POC5: variants seen among roughly 807,000 people sequenced by gnomAD.
The protein encoded by POC5 is centrosomal protein POC5.
POC5 carries 48 observed loss-of-function variants against 62.9 expected under a neutral mutation model. That is an observed-to-expected ratio of 0.76 (90% confidence interval 0.61 to 0.97). The LOEUF (loss-of-function observed/expected upper bound fraction) is 0.97, where lower values mean the gene tolerates loss of function less well. POC5 is among the 50% of genes least tolerant of loss of function. The pLI is 0.00. For missense variants in POC5, 696 were observed against 679.5 expected, an observed-to-expected ratio of 1.02 and a Z score of -0.27; for synonymous variants, 236 against 228.2, an observed-to-expected ratio of 1.03 and a Z score of -0.31.
At chr5:75,697,902 G>T (rs1264036493) in intron 5 of POC5, among the ~76,000 whole-genome samples, 2 of 144,834 alleles carry the variant, frequency 1.4e-5, no homozygotes, top group African/African-American at 5.1e-5. Flanking sequence ...AACAAAAAAA[G>T]GCAGGGGTTG....
At chr5:75,682,309 G>A (rs1054821762) in intron 10 of POC5, among the ~76,000 whole-genome samples, 2 of 152,176 alleles carry the variant, frequency 1.3e-5, no homozygotes, top group African/African-American at 4.8e-5. Flanking sequence ...TACCCATGAA[G>A]TTACATTTTA....
chr5:75,692,703 AAAG>A (rs774722944), intron 6 of POC5, among the ~76,000 whole-genome samples: 12 of 152,178 alleles, frequency 7.9e-5, no homozygotes, highest in Admixed American at 2.6e-4. Flanking sequence ...AAAGGGAACA[AAAG>A]AAGAAGGAAG....
intron 1 of POC5, among the ~76,000 whole-genome samples, chr5:75,716,733 C>T (rs1195419939): frequency 6.6e-6 from 1 of 152,184 alleles, no homozygotes; most frequent in Non-Finnish European, 1.5e-5. Flanking sequence ...TTGCCAGAAA[C>T]ATAAAATAAC....
At chr5:75,699,326 A>G (rs994978162) in intron 5 of POC5, among the ~76,000 whole-genome samples, 7 of 152,102 alleles carry the variant, frequency 4.6e-5, no homozygotes, top group African/African-American at 1.7e-4. Context: ...TCAACAAAAT[A>G]CTGGCAAACC....
chr5:75,707,048 T>TA (rs1777150072), intron 3 of POC5, among the ~76,000 whole-genome samples: 1 of 152,240 alleles, frequency 6.6e-6, no homozygotes. Flanking sequence ...TCCTTGGAGT[T>TA]ACGCCTATAG....
intron 5 of POC5, among the ~76,000 whole-genome samples, chr5:75,700,513 C>T (rs1776823987): frequency 2.0e-5 from 3 of 151,116 alleles, no homozygotes; most frequent in Admixed American, 2.0e-4. Flanking sequence ...ACTGGCTAGC[C>T]ATATGTAGAA....
chr5:75,704,957 T>C (rs1229623471), intron 4 of POC5, among the ~76,000 whole-genome samples: 1 of 152,210 alleles, frequency 6.6e-6, no homozygotes, highest in Middle Eastern at 3.2e-3. Context: ...CCCAGCACTT[T>C]GGGAGGCCAG....
chr5:75,712,362 T>C lies in POC5; in HGVS notation c.84+492A>G, dbSNP rs1251726476. 4.5e-6 allele frequency: 7 copies of C among 1,571,376 alleles called. No individual in the cohort carries two copies. In the African/African-American group the frequency reaches 5.4e-5, roughly 12 times the overall value. On this transcript the variant is annotated intron_variant, in intron 2 of 11. Coordinates refer to ENST00000428202, the MANE Select transcript of POC5 (RefSeq NM_001099271.2). Reference sequence around the variant, plus strand: ...CATTTCATGTAAATACCACACCCTCTGTAGTTAACTGACCCACTTCATTTT... The same window carrying C: ...CATTTCATGTAAATACCACACCCTCCGTAGTTAACTGACCCACTTCATTTT...
chr5:75,683,588 C>G (rs1343213596), intron 10 of POC5, among the ~76,000 whole-genome samples: 5 of 151,860 alleles, frequency 3.3e-5, no homozygotes, highest in Non-Finnish European at 5.9e-5. Flanking sequence ...GTCTGATAAG[C>G]TTGGCTTGCA....
At chr5:75,678,098 GACGAAAAGCAAAACAAA>G (rs1488120691) in intron 10 of POC5, 148 bp from the exon 11 acceptor site, 1 of 581,352 alleles carries the variant, frequency 1.7e-6, no homozygotes, top group Non-Finnish European at 2.6e-6. Flanking sequence ...AAAATCACAA[GACGAAAAGCAAAACAAA>G]ACTGAACACC....
intron 10 of POC5, among the ~76,000 whole-genome samples, chr5:75,683,263 C>T (rs1011200034): frequency 6.6e-6 from 1 of 150,386 alleles, no homozygotes; most frequent in African/African-American, 2.4e-5. Flanking sequence ...TTGAGACAGT[C>T]TCGCTGTGTC....
At chr5:75,702,329 TCAAA>T (rs1278057822) in intron 5 of POC5, among the ~76,000 whole-genome samples, 4 of 151,588 alleles carry the variant, frequency 2.6e-5, no homozygotes, top group East Asian at 1.9e-4. Flanking sequence ...TAAAGTAAAA[TCAAA>T]CAAACAAACA....
At position 75,674,568 on chromosome 5, in the gene POC5, G is replaced by A. The variant is rs1012402278; in HGVS notation, c.1595C>T (p.Pro532Leu). The A allele has an allele frequency of 1.2e-6, 2 of 1,613,556 alleles. No homozygotes were observed. The highest frequency in any genetic ancestry group is 2.7e-5 in the African/African-American group (2 of 74,900). The change falls in exon 12 of 12, where the codon CCT (proline) becomes CTT (leucine). Residue 532 changes from proline to leucine, a missense_variant. Coordinates refer to ENST00000428202, the MANE Select transcript of POC5 (RefSeq NM_001099271.2). ...KHHPVTVQTI[P>L]QATAAKYPRT... ...GGGATATTTTGCTGCAGTTGCTTGA[G>A]GAATGGTTTGCTGAAAAGACAAAAT... is the stretch of plus-strand genomic sequence containing the variant.
At chr5:75,694,293 AG>A (rs1336576578) in intron 6 of POC5, among the ~76,000 whole-genome samples, 1 of 152,226 alleles carries the variant, frequency 6.6e-6, no homozygotes, top group African/African-American at 2.4e-5. Context: ...TTAGGAAGAA[AG>A]GATTAGAAAG....
chr5:75,705,663 A>G, intron 4 of POC5, 41 bp downstream of exon 4: 1 of 1,233,404 alleles, frequency 8.1e-7, no homozygotes, highest in East Asian at 2.8e-5. Context: ...AAACCACAAA[A>G]TGTTGTATAT....
chr5:75,686,380 T>C (rs1776100168), intron 9 of POC5, among the ~76,000 whole-genome samples: 1 of 152,170 alleles, frequency 6.6e-6, no homozygotes, highest in Non-Finnish European at 1.5e-5. Context: ...TGGTTTTCTA[T>C]GTAGTTCTCT....
chr5:75,690,329 T>G (rs1776274191), intron 8 of POC5, 54 bp downstream of exon 8: 1 of 1,449,702 alleles, frequency 6.9e-7, no homozygotes, highest in Non-Finnish European at 9.3e-7. Flanking sequence ...ATAGTGAGTC[T>G]ATCTATCTTT....
In POC5 at chr5:75,674,176, A is replaced by C. The variant is rs1775565345; in HGVS notation, c.*259T>G. ...TGCTGTAATCAGCAACAGGCTAAAC[A>C]TATTAAAGAAATAAAGTCCAGTTTC... On this transcript the variant is annotated 3_prime_UTR_variant, in exon 12 of 12. Transcript: ENST00000428202. 2 of 259,012 alleles carry C rather than the reference A, an allele frequency of 7.7e-6. No homozygotes were observed. The highest frequency in any genetic ancestry group is 1.5e-5 in the Non-Finnish European group (2 of 137,452). 16.0% of individuals were successfully genotyped at this position (259,012 alleles called of 1,614,324 possible).
chr5:75,691,286 GGATT>G (rs1322227456), intron 7 of POC5, among the ~76,000 whole-genome samples: 2 of 151,904 alleles, frequency 1.3e-5, no homozygotes, highest in African/African-American at 4.8e-5. Flanking sequence ...TAATCTACTG[GGATT>G]AATTAAAAAA....
Sources: allele counts gnomAD v4.1 joint callset (sites outside exome capture counted in the v4.1 genomes callset), GRCh38; gene constraint gnomAD v4.1.1; transcripts MANE v1.5; gene names NCBI Gene and HGNC (gene_info 2026-07-23, HGNC 2026-07-21).